The following PDE10A variants were observed in gnomAD, a reference collection of about 807,000 sequenced individuals.
PDE10A encodes the protein phosphodiesterase 10A, also known as cAMP and cAMP-inhibited cGMP 3',5'-cyclic phosphodiesterase 10A.
A neutral mutation model predicts 97.7 loss-of-function variants in PDE10A; 39 were observed. The observed-to-expected ratio is 0.40, with a 90% CI of 0.31 to 0.52. The LOEUF is 0.52. Ranked by LOEUF, PDE10A falls within the 20% of genes least tolerant of loss-of-function variation. The pLI is 0.56. For synonymous variants in PDE10A, 371 were observed against 376.8 expected (o/e 0.98, Z 0.18); for missense variants, 731 against 1,047.8 (o/e 0.70, Z 4.17).
intron 1 of PDE10A, among the ~76,000 whole-genome samples, chr6:165,627,041 C>G (rs911563064): frequency 1.3e-5 from 2 of 152,228 alleles, no homozygotes; most frequent in Admixed American, 1.3e-4. Context: ...ATCTCTAAAT[C>G]TGTCCTTTCT....
Position 165,396,363 on chromosome 6 carries a change from G to A in PDE10A, c.2173C>T (p.Leu725Phe), listed in dbSNP as rs1281249877. The A allele has an allele frequency of 1.9e-6, 3 of 1,613,386 alleles. No individual in the cohort carries two copies. The highest frequency in any genetic ancestry group is 2.2e-5 in the East Asian group (1 of 44,838). ...CGCACGGGAAGGGTGAATTGCATGA[G>A]ACCTTGCCACTCTTCTGAAGTACAA... Reference protein sequence around the residue: ...SICTSEEWQGLMQFTLPVRLC... With the variant: ...SICTSEEWQGFMQFTLPVRLC... Residue 725 changes from leucine to phenylalanine, a missense_variant, in exon 14 of 22, where the codon CTC becomes TTC. This residue lies in a region of PDE10A where 131 missense variants were observed against 187.4 expected (regional missense o/e 0.70). Transcript: ENST00000539869.
chr6:165,630,357 A>G (rs184714206), intron 1 of PDE10A, among the ~76,000 whole-genome samples: 84 of 152,320 alleles, frequency 5.5e-4, no homozygotes, highest in Non-Finnish European at 8.2e-4. Flanking sequence ...CAATTTAAAC[A>G]AACAAAAAAC....
intron 1 of PDE10A, among the ~76,000 whole-genome samples, chr6:165,786,582 A>C (rs1372986509): frequency 6.6e-6 from 1 of 152,226 alleles, no homozygotes; most frequent in African/African-American, 2.4e-5. Flanking sequence ...AGCTTTTAGA[A>C]TACAAAGATG....
intron 1 of PDE10A, among the ~76,000 whole-genome samples, chr6:165,696,644 A>G (rs950842567): frequency 1.0e-3 from 153 of 152,328 alleles, no homozygotes; most frequent in African/African-American, 3.5e-3. Context: ...GGAAACAGGA[A>G]AGTATGACCC....
At chr6:165,428,733 T>C in intron 9 of PDE10A, 24 bp from the exon 10 acceptor site, 1 of 955,912 alleles carries the variant, frequency 1.0e-6, no homozygotes, top group Non-Finnish European at 1.7e-6. Context: ...ACATAAATCC[T>C]GTAAGTAATT....
intron 4 of PDE10A, among the ~76,000 whole-genome samples, chr6:165,449,523 A>C (rs1791132153): frequency 6.6e-6 from 1 of 152,072 alleles, no homozygotes; most frequent in African/African-American, 2.4e-5. Flanking sequence ...ACTCCTTTTT[A>C]CCTGTGTGAC....
chr6:165,816,757 G>C (rs1779425781), intron 1 of PDE10A, among the ~76,000 whole-genome samples: 1 of 152,240 alleles, frequency 6.6e-6, no homozygotes, highest in Admixed American at 6.5e-5. Context: ...TGGGGGCTCA[G>C]ACGGTGGAAA....
Position 165,543,740 on chromosome 6 carries a change from T to C in PDE10A, c.866-172A>G, listed in dbSNP as rs746151097. On this transcript the variant is annotated intron_variant, in intron 1 of 21. Coordinates refer to ENST00000539869, the MANE Select transcript of PDE10A (RefSeq NM_001385079.1). ...TGCTTAGTGGGTACAGAGTTTCTAC[T>C]GGGAGTGACAGCAAAGTTTTGGAAC... Among the ~76,000 whole-genome samples, 49 of 152,176 alleles carry C rather than the reference T, an allele frequency of 3.2e-4. 1 individual carries two copies. Among genetic ancestry groups the C allele is most frequent in the Non-Finnish European group, 5.9e-4 (40 of 68,036 alleles).
At chr6:165,882,095 A>ATCTAAGTGAAAGCTGAAGTG in intron 1 of PDE10A, among the ~76,000 whole-genome samples, 3 of 152,320 alleles carry the variant, frequency 2.0e-5, no homozygotes, top group Middle Eastern at 3.4e-3. Context: ...AGAACCACTG[A>ATCTAAGTGAAAGCTGAAGTG]TCTAAGTGAA....
At chr6:165,453,582 A>G (rs942148683) in intron 3 of PDE10A, among the ~76,000 whole-genome samples, 2 of 152,226 alleles carry the variant, frequency 1.3e-5, no homozygotes, top group Non-Finnish European at 2.9e-5. Flanking sequence ...TTCCTTCACA[A>G]TGTGAGCCCC....
intron 2 of PDE10A, among the ~76,000 whole-genome samples, chr6:165,526,945 T>C (rs1782483757): frequency 6.6e-6 from 1 of 152,206 alleles, no homozygotes; most frequent in African/African-American, 2.4e-5. Flanking sequence ...TTCTGCAAGG[T>C]ATCACACTGG....
intron 1 of PDE10A, among the ~76,000 whole-genome samples, chr6:165,985,132 TCTACCTAGCTGC>T (rs1293193117): frequency 6.6e-6 from 1 of 152,222 alleles, no homozygotes; most frequent in African/African-American, 2.4e-5. Context: ...AAATAAGCCC[TCTACCTAGCTGC>T]CTACCTATCC....
rs897237954 is a variant in PDE10A, at chr6:165,661,407, G to C, written c.865+540C>G. On this transcript the variant is annotated intron_variant, in intron 1 of 21. Transcript: ENST00000539869. The surrounding 1 kb of genome is among the most constrained non-coding windows in gnomAD (Gnocchi z 4.8). The stretch of plus-strand genomic sequence containing the variant: ...CGGTCACTGCGCGGGGTGGGAGGCC[G>C]GGCGCCCACTCCGAGTCCTGGAGAA... 1 of 152,362 alleles carries C rather than the reference G, an allele frequency of 6.6e-6. No individual in the cohort carries two copies. The highest frequency in any genetic ancestry group is 1.5e-5 in the Non-Finnish European group (1 of 68,224). The allele number at this position is 152,362 out of a possible 1,614,324, so 9.4% of individuals were successfully genotyped here.
At chr6:165,844,098 A>C (rs1281179721) in intron 1 of PDE10A, among the ~76,000 whole-genome samples, 2 of 152,182 alleles carry the variant, frequency 1.3e-5, no homozygotes, top group Non-Finnish European at 2.9e-5. Flanking sequence ...ATTTTGGAAA[A>C]GGGGACCAAG....
intron 1 of PDE10A, chr6:165,940,628 C>G (rs1259679833): frequency 1.3e-5 from 2 of 152,308 alleles, no homozygotes; most frequent in Non-Finnish European, 2.9e-5. Context: ...CCTCGGCTGC[C>G]TGGAGCCCAT....
At chr6:165,589,360 A>T (rs1357200007) in intron 1 of PDE10A, among the ~76,000 whole-genome samples, 1 of 152,186 alleles carries the variant, frequency 6.6e-6, no homozygotes, top group Non-Finnish European at 1.5e-5. Flanking sequence ...AAATTTCCCC[A>T]ATTTTAGTTG....
At chr6:165,820,962 A>T (rs1779552174) in intron 1 of PDE10A, among the ~76,000 whole-genome samples, 3 of 152,264 alleles carry the variant, frequency 2.0e-5, no homozygotes, top group African/African-American at 7.2e-5. Flanking sequence ...AGACAGCTTA[A>T]TTTATAACCC....
chr6:165,986,349 C>G (rs1365105552), intron 1 of PDE10A: 1 of 152,554 alleles, frequency 6.6e-6, no homozygotes, highest in Non-Finnish European at 1.5e-5. Flanking sequence ...GAGAAGAGAC[C>G]AGAGAGGGAG....
intron 1 of PDE10A, among the ~76,000 whole-genome samples, chr6:165,831,326 C>T (rs1369834319): frequency 8.4e-6 from 1 of 119,144 alleles, no homozygotes; most frequent in Non-Finnish European, 1.6e-5. Flanking sequence ...AAGCTGAGGT[C>T]GCGCCACTGC....
Sources: gnomAD v4.1 joint callset for allele counts (sites outside exome capture counted in the v4.1 genomes callset) on GRCh38, gnomAD v4.1.1 for gene constraint, gnomAD v4.1.1 regional missense constraint, Gnocchi (gnomAD v3.1) non-coding constraint, MANE v1.5 for transcripts, NCBI Gene and HGNC (gene_info 2026-07-23, HGNC 2026-07-21) for gene names.